PAPPA2: variants seen among roughly 807,000 people sequenced by gnomAD.
The protein encoded by PAPPA2 is pappalysin 2.
Under a neutral mutation model 176.4 loss-of-function variants are expected in PAPPA2, and 86 were observed. That is an observed-to-expected ratio of 0.49 (90% CI 0.41 to 0.58). The LOEUF (loss-of-function observed/expected upper bound fraction) is 0.58, where lower values mean the gene tolerates loss of function less well. Ranked by LOEUF, PAPPA2 falls within the 20% of genes least tolerant of loss-of-function variation. The pLI is 0.00. For synonymous variants in PAPPA2, 809 were observed against 852.2 expected (o/e 0.95, Z 0.88); for missense variants, 2,073 against 2,256.9 (o/e 0.92, Z 1.65).
At chr1:176,628,246 G>A (rs1032658620) in intron 3 of PAPPA2, among the ~76,000 whole-genome samples, 2 of 152,140 alleles carry the variant, frequency 1.3e-5, no homozygotes, top group African/African-American at 4.8e-5. Context: ...GCAAGGGAGT[G>A]ATCTGATGAT....
chr1:176,552,467 C>T (rs1651022918), intron 1 of PAPPA2, among the ~76,000 whole-genome samples: 1 of 151,238 alleles, frequency 6.6e-6, no homozygotes. Context: ...CTCATCCCCT[C>T]TCCTCTCTCT....
At position 176,538,367 on chromosome 1, in the gene PAPPA2, A is replaced by C. The variant is rs556497505; in HGVS notation, c.-916-17040A>C. On this transcript the variant is annotated intron_variant, in intron 1 of 22. Coordinates refer to ENST00000367662, the MANE Select transcript of PAPPA2 (RefSeq NM_020318.3). Reference sequence around the variant, plus strand: ...GTGTGGTCAGTGCTGTACTTTCTCCATGTATAGAAGTGGAAATGAAGATGT... The same window carrying C: ...GTGTGGTCAGTGCTGTACTTTCTCCCTGTATAGAAGTGGAAATGAAGATGT... Among the ~76,000 whole-genome samples, 6 of 152,266 alleles carry C rather than the reference A, an allele frequency of 3.9e-5. No individual in the cohort carries two copies. In the South Asian group the frequency reaches 6.2e-4, roughly 16 times the overall value.
At position 176,839,944 on chromosome 1, in the gene PAPPA2, G is replaced by T. The variant is rs528580051; in HGVS notation, c.5203-229G>T. On this transcript the variant is annotated intron_variant, in intron 21 of 22. Coordinates refer to ENST00000367662, the MANE Select transcript of PAPPA2 (RefSeq NM_020318.3). ...TAAATGACGTATCTCAGACCTTAGA[G>T]TAGGCCAGGAGCAGTGCTGCCAGTG... 5.3e-5 allele frequency among the ~76,000 whole-genome samples: 8 copies of T among 152,270 alleles called. No homozygotes were observed. The South Asian group carries it at 1.7e-3, about 32-fold the overall frequency.
intron 3 of PAPPA2, among the ~76,000 whole-genome samples, chr1:176,621,189 G>C (rs915565405): frequency 3.3e-5 from 5 of 152,206 alleles, no homozygotes; most frequent in African/African-American, 1.2e-4. Context: ...TTCTTCTGAG[G>C]TTGAGGACAT....
intron 14 of PAPPA2, among the ~76,000 whole-genome samples, chr1:176,754,364 A>C (rs12125842): frequency 1.9e-3 from 294 of 152,364 alleles, no homozygotes; most frequent in Non-Finnish European, 3.6e-3. Flanking sequence ...AAGTCTCAAC[A>C]ATCTCCAGAG....
intron 10 of PAPPA2, among the ~76,000 whole-genome samples, chr1:176,707,897 T>C (rs1437754322): frequency 6.6e-6 from 1 of 152,186 alleles, no homozygotes; most frequent in Admixed American, 6.6e-5. Context: ...TGTGATTAGG[T>C]TTCCAGACCC....
At chr1:176,636,127 G>A (rs945611570) in intron 3 of PAPPA2, among the ~76,000 whole-genome samples, 2 of 152,122 alleles carry the variant, frequency 1.3e-5, no homozygotes, top group Middle Eastern at 3.2e-3. Context: ...CTGCTGTTGA[G>A]AACGTGAAAG....
intron 3 of PAPPA2, among the ~76,000 whole-genome samples, chr1:176,625,255 A>C (rs1444544636): frequency 1.3e-5 from 2 of 152,156 alleles, no homozygotes; most frequent in African/African-American, 4.8e-5. Flanking sequence ...CTGAAGAGGG[A>C]GAGAAGACAG....
At chr1:176,669,731 A>G (rs1218127283) in intron 3 of PAPPA2, among the ~76,000 whole-genome samples, 1 of 152,158 alleles carries the variant, frequency 6.6e-6, no homozygotes, top group Non-Finnish European at 1.5e-5. Flanking sequence ...TTCTGTTCCA[A>G]AAAATAAATA....
At chr1:176,576,891 A>G (rs1042636465) in intron 2 of PAPPA2, among the ~76,000 whole-genome samples, 2 of 151,698 alleles carry the variant, frequency 1.3e-5, no homozygotes, top group African/African-American at 4.8e-5. Flanking sequence ...TAGATAGTGT[A>G]GAAAATGTTG....
intron 4 of PAPPA2, among the ~76,000 whole-genome samples, chr1:176,686,149 C>A (rs1314414655): frequency 6.6e-6 from 1 of 152,118 alleles, no homozygotes; most frequent in Non-Finnish European, 1.5e-5. Flanking sequence ...AGGGTGCAAA[C>A]TGGTTGTATT....
chr1:176,669,940 G>A (rs892276608), intron 3 of PAPPA2, among the ~76,000 whole-genome samples: 1 of 152,098 alleles, frequency 6.6e-6, no homozygotes, highest in Non-Finnish European at 1.5e-5. Flanking sequence ...AGCATAATCA[G>A]TAAAGGAAAT....
intron 9 of PAPPA2, among the ~76,000 whole-genome samples, chr1:176,704,308 T>C (rs1273134350): frequency 1.3e-5 from 2 of 152,188 alleles, no homozygotes; most frequent in Non-Finnish European, 2.9e-5. Flanking sequence ...AGCACTTCCA[T>C]CCAATGGGAA....
At chr1:176,498,379 C>T (rs1282565614) in intron 1 of PAPPA2, among the ~76,000 whole-genome samples, 1 of 152,100 alleles carries the variant, frequency 6.6e-6, no homozygotes, top group Admixed American at 6.5e-5. Context: ...TATCACAAAC[C>T]TAAACAATCA....
At position 176,779,490 on chromosome 1, in the gene PAPPA2, A is replaced by ACG. The variant is rs1418328677; in HGVS notation, c.4715+8311_4715+8312insGC. Among the ~76,000 whole-genome samples the ACG allele has an allele frequency of 3.5e-5, 5 of 144,790 alleles. No individual in the cohort carries two copies. In the East Asian group the frequency reaches 9.8e-4, roughly 28 times the overall value. 95.0% of individuals were successfully genotyped at this position (144,790 alleles called of 152,430 possible). Reference sequence around the variant, plus strand: ...TTCCATACTCATCACACACACACACACACACACACACACACACACACACAC... The same window carrying ACG: ...TTCCATACTCATCACACACACACACACGCACACACACACACACACACACACAC... On this transcript the variant is annotated intron_variant, in intron 17 of 22. Coordinates refer to ENST00000367662, the MANE Select transcript of PAPPA2 (RefSeq NM_020318.3).
In PAPPA2 at chr1:176,803,977, G is replaced by A. The variant is rs1665791181; in HGVS notation, c.5202+3845G>A. On this transcript the variant is annotated intron_variant, in intron 21 of 22. Transcript: ENST00000367662. The stretch of plus-strand genomic sequence containing the variant: ...ATTGAATATTTGTCCCACCTGTGGG[G>A]TGACACTGGGCAAGTTGTATTAGAT... Among the ~76,000 whole-genome samples the A allele has an allele frequency of 3.3e-5, 5 of 152,164 alleles. 1 individual carries two copies. The South Asian group carries it at 1.0e-3, about 32-fold the overall frequency.
At chr1:176,498,751 C>CACAAAAAAAAAAAAAAAAAAAAAAAAAA (rs762510082) in intron 1 of PAPPA2, among the ~76,000 whole-genome samples, 5 of 112,108 alleles carry the variant, frequency 4.5e-5, no homozygotes, top group Admixed American at 9.3e-5. Context: ...CTCTTACCTC[C>CACAAAAAAAAAAAAAAAAAAAAAAAAAA]AAAAAAAAAA....
At chr1:176,709,589 G>C (rs1162672236) in intron 10 of PAPPA2, among the ~76,000 whole-genome samples, 2 of 152,036 alleles carry the variant, frequency 1.3e-5, no homozygotes, top group African/African-American at 2.4e-5. Flanking sequence ...TACCTGATAG[G>C]ATTTATTTAG....
rs148199543 is a variant in PAPPA2 at position 176,812,262 on chromosome 1, T to A, written c.5202+12130T>A. Among the ~76,000 whole-genome samples the A allele has an allele frequency of 7.4e-4, 113 of 152,208 alleles. No individual in the cohort carries two copies. In the East Asian group the frequency reaches 0.019, roughly 26 times the overall value. Reference sequence around the variant, plus strand: ...TTTCTCTTTCACTGTCCTTCCCTTTTTAGCCCAGACTTGCAGATAATTTAA... The same window carrying A: ...TTTCTCTTTCACTGTCCTTCCCTTTATAGCCCAGACTTGCAGATAATTTAA... On this transcript the variant is annotated intron_variant, in intron 21 of 22. Transcript: ENST00000367662.
Sources: gnomAD v4.1 joint callset for allele counts (sites outside exome capture counted in the v4.1 genomes callset) on GRCh38, gnomAD v4.1.1 for gene constraint, MANE v1.5 for transcripts, NCBI Gene and HGNC (gene_info 2026-07-23, HGNC 2026-07-21) for gene names.